MACROD2: variants seen among roughly 807,000 people sequenced by gnomAD.
MACROD2 encodes the protein mono-ADP ribosylhydrolase 2.
A neutral mutation model predicts 70.4 loss-of-function variants in MACROD2; 36 were observed. The observed-to-expected ratio is 0.51, with a 90% CI of 0.39 to 0.68. The LOEUF is 0.68. MACROD2 is among the 30% of genes least tolerant of loss of function. The pLI, the probability that MACROD2 is intolerant of heterozygous loss-of-function variation, is 0.00. For missense variants in MACROD2, 496 were observed against 538.4 expected (o/e 0.92, Z 0.78); for synonymous variants, 172 against 178.8 (o/e 0.96, Z 0.30).
intron 8 of MACROD2, among the ~76,000 whole-genome samples, chr20:15,584,950 T>TC (rs1458391128): frequency 4.6e-5 from 7 of 152,360 alleles, no homozygotes; most frequent in African/African-American, 1.7e-4. Context: ...TATGGATTTC[T>TC]CCAACAGACG....
chr20:14,954,320 A>G (rs899678474), intron 5 of MACROD2, among the ~76,000 whole-genome samples: 13 of 151,630 alleles, frequency 8.6e-5, no homozygotes, highest in Non-Finnish European at 1.3e-4. Context: ...TATTTACCAC[A>G]TTTGTTGGAT....
chr20:14,628,307 G>A (rs1388533282), intron 4 of MACROD2, among the ~76,000 whole-genome samples: 1 of 152,096 alleles, frequency 6.6e-6, no homozygotes, highest in Admixed American at 6.6e-5. Context: ...TAGAGAGAAT[G>A]GATTAGAGAG....
chr20:14,654,686 TG>T (rs1175068563), intron 4 of MACROD2, among the ~76,000 whole-genome samples: 2 of 152,224 alleles, frequency 1.3e-5, no homozygotes, highest in African/African-American at 4.8e-5. Flanking sequence ...ACACCTATTT[TG>T]GTCTGGCAGT....
chr20:15,702,024 C>T (rs761279442), intron 8 of MACROD2, among the ~76,000 whole-genome samples: 2 of 152,144 alleles, frequency 1.3e-5, no homozygotes, highest in Non-Finnish European at 2.9e-5. Flanking sequence ...TGTAGTATTC[C>T]AGAGTGTATA....
At chr20:15,372,390 A>C (rs187478542) in intron 6 of MACROD2, among the ~76,000 whole-genome samples, 144 of 152,362 alleles carry the variant, frequency 9.5e-4, no homozygotes, top group African/African-American at 3.3e-3. Flanking sequence ...CTGTATATTC[A>C]GACTTTAATT....
At chr20:15,390,666 G>A (rs2045780458) in intron 6 of MACROD2, among the ~76,000 whole-genome samples, 1 of 151,916 alleles carries the variant, frequency 6.6e-6, no homozygotes, top group African/African-American at 2.4e-5. Flanking sequence ...ATTTTGGGGG[G>A]AAAATAAAAG....
intron 3 of MACROD2, among the ~76,000 whole-genome samples, chr20:14,216,536 G>T (rs1001359405): frequency 3.3e-5 from 5 of 151,938 alleles, no homozygotes; most frequent in African/African-American, 1.2e-4. Context: ...TTTTAATTCT[G>T]TGAAGAATGA....
At chr20:14,713,564 C>T (rs563840228) in intron 5 of MACROD2, among the ~76,000 whole-genome samples, 12 of 152,232 alleles carry the variant, frequency 7.9e-5, no homozygotes, top group South Asian at 6.2e-4. Context: ...CTCCGAAACC[C>T]TTTCCTGATT....
intron 6 of MACROD2, among the ~76,000 whole-genome samples, chr20:15,259,396 C>T (rs1490573671): frequency 6.6e-6 from 1 of 151,910 alleles, no homozygotes; most frequent in Non-Finnish European, 1.5e-5. Flanking sequence ...AGGTAAATCC[C>T]AAGAACCATT....
In MACROD2 at chr20:14,874,289, C is replaced by CATTTATTTATTTATTT. The variant is rs150117074; in HGVS notation, c.418+189350_418+189365dup. ...AGGAAGGCAGTATCAAATGGAGATT[C>CATTTATTTATTTATTT]ATTTATTTATTTATTTATTTATTTA... is the stretch of plus-strand genomic sequence containing the variant. On this transcript the variant is annotated intron_variant, in intron 5 of 17. Coordinates refer to ENST00000684519, the MANE Select transcript of MACROD2 (RefSeq NM_001351661.2). Among the ~76,000 whole-genome samples, 154 of 131,414 alleles carry CATTTATTTATTTATTT rather than the reference C, an allele frequency of 1.2e-3. 2 individuals carry two copies. The highest frequency in any genetic ancestry group is 2.9e-3 in the African/African-American group (114 of 39,036). The allele number at this position is 131,414 out of a possible 152,430, so 86.2% of individuals were successfully genotyped here.
At chr20:15,559,173 G>C (rs2048207834) in intron 8 of MACROD2, among the ~76,000 whole-genome samples, 1 of 142,904 alleles carries the variant, frequency 7.0e-6, no homozygotes, top group Non-Finnish European at 1.5e-5. Context: ...CTTGCAGTGA[G>C]TCGAGATCGC....
At chr20:15,682,293 G>A (rs977134549) in intron 8 of MACROD2, among the ~76,000 whole-genome samples, 1 of 152,140 alleles carries the variant, frequency 6.6e-6, no homozygotes, top group African/African-American at 2.4e-5. Flanking sequence ...AAGATTTTTA[G>A]ACTTTAGTTG....
At chr20:14,667,560 G>T (rs1394875998) in intron 4 of MACROD2, among the ~76,000 whole-genome samples, 1 of 152,156 alleles carries the variant, frequency 6.6e-6, no homozygotes, top group Admixed American at 6.6e-5. Context: ...GGATGCGTGT[G>T]CTGTGTTAAA....
intron 4 of MACROD2, among the ~76,000 whole-genome samples, chr20:14,579,918 TC>T (rs1980895204): frequency 6.6e-6 from 1 of 152,148 alleles, no homozygotes; most frequent in South Asian, 2.1e-4. Flanking sequence ...AAGTCCCTCA[TC>T]TTGGAGGAAC....
At chr20:15,807,062 T>A (rs998271389) in intron 8 of MACROD2, among the ~76,000 whole-genome samples, 2 of 152,212 alleles carry the variant, frequency 1.3e-5, no homozygotes, top group Admixed American at 6.5e-5. Context: ...TTTTTAATAT[T>A]CCGTCCATAC....
At chr20:14,669,091 C>T (rs1372075858) in intron 4 of MACROD2, among the ~76,000 whole-genome samples, 1 of 152,156 alleles carries the variant, frequency 6.6e-6, no homozygotes, top group Non-Finnish European at 1.5e-5. Flanking sequence ...ATGTGACAAT[C>T]ATTCCTTAAA....
chr20:15,923,180 T>C (rs993876896), intron 10 of MACROD2, among the ~76,000 whole-genome samples: 2 of 152,186 alleles, frequency 1.3e-5, no homozygotes, highest in African/African-American at 2.4e-5. Context: ...TTCACGCTGC[T>C]GATAAAAACA....
chr20:15,251,147 G>A (rs2077152344), intron 6 of MACROD2, among the ~76,000 whole-genome samples: 1 of 152,146 alleles, frequency 6.6e-6, no homozygotes, highest in Non-Finnish European at 1.5e-5. Context: ...CGAAAAAAGG[G>A]GTAGGGGTCA....
intron 3 of MACROD2, among the ~76,000 whole-genome samples, chr20:14,154,552 A>ATTTTTTTTTTTT (rs869299523): frequency 1.7e-4 from 18 of 106,644 alleles, no homozygotes; most frequent in South Asian, 3.1e-4. Flanking sequence ...CGCCCGGCTA[A>ATTTTTTTTTTTT]TTTTTTTTTT....
Sources: gnomAD v4.1 joint callset for allele counts (sites outside exome capture counted in the v4.1 genomes callset) on GRCh38, gnomAD v4.1.1 for gene constraint, MANE v1.5 for transcripts, NCBI Gene and HGNC (gene_info 2026-07-23, HGNC 2026-07-21) for gene names.